The following NUDC variants were observed in gnomAD, a reference collection of about 807,000 sequenced individuals.
The protein encoded by NUDC is nuclear distribution C, dynein complex regulator, also known as nuclear migration protein nudC.
Under a neutral mutation model 45.0 loss-of-function variants are expected in NUDC, and 14 were observed. The observed-to-expected ratio is 0.31, with a 90% confidence interval of 0.21 to 0.49. The LOEUF is 0.49. Among genes scored for constraint, NUDC ranks in the 20% least tolerant of loss-of-function variants. The pLI, the probability that NUDC is intolerant of heterozygous loss-of-function variation, is 0.99. For synonymous variants in NUDC, 153 were observed against 156.7 expected (o/e 0.98, Z 0.17); for missense variants, 323 against 426.2 (o/e 0.76, Z 2.13).
intron 1 of NUDC, chr1:26,900,569 G>C (rs1425281960): frequency 9.3e-6 from 7 of 748,838 alleles, no homozygotes; most frequent in Non-Finnish European, 1.5e-5. Flanking sequence ...GTGGAACCTG[G>C]AGCTGGAAGA....
intron 2 of NUDC, among the ~76,000 whole-genome samples, chr1:26,906,854 A>C (rs556778877): frequency 1.3e-5 from 2 of 152,142 alleles, no homozygotes; most frequent in Admixed American, 1.3e-4. Context: ...GTCTCAAAAA[A>C]AATAATAATA....
At position 26,900,583 on chromosome 1, in the gene NUDC, G is replaced by C. The variant is rs1190465867; in HGVS notation, c.-101+183G>C. 3 of 686,950 alleles carry C rather than the reference G, an allele frequency of 4.4e-6. No individual in the cohort carries two copies. The East Asian group carries it at 8.2e-5, about 19-fold the overall frequency. 42.6% of individuals were successfully genotyped at this position (686,950 alleles called of 1,614,324 possible). On this transcript the variant is annotated intron_variant, in intron 1 of 6. Coordinates refer to the NUDC transcript ENST00000435827. ...TGTGGAACCTGGAGCTGGAAGATCC[G>C]AAGTCTTCTGTGTTCCTTTCCCACA...
At chr1:26,930,844 C>T (rs376777808) in intron 2 of NUDC, among the ~76,000 whole-genome samples, 4 of 151,554 alleles carry the variant, frequency 2.6e-5, no homozygotes, top group African/African-American at 7.3e-5. Context: ...GGTGAAACCT[C>T]GTCTCTACTA....
intron 2 of NUDC, among the ~76,000 whole-genome samples, chr1:26,927,976 A>G (rs2082148261): frequency 6.6e-6 from 1 of 152,196 alleles, no homozygotes; most frequent in African/African-American, 2.4e-5. Flanking sequence ...AGAAGAAATG[A>G]AGACTGTAAA....
intron 1 of NUDC, chr1:26,900,403 A>G (rs774110351): frequency 1.4e-5 from 22 of 1,612,332 alleles, no homozygotes. Context: ...ACTACCAGGT[A>G]AACTGTCGCC....
intron 6 of NUDC, among the ~76,000 whole-genome samples, chr1:26,943,408 G>GA (rs1191473711): frequency 6.6e-6 from 1 of 152,052 alleles, no homozygotes; most frequent in African/African-American, 2.4e-5. Flanking sequence ...AGAGACCGGG[G>GA]GGTCTCACTA....
chr1:26,931,640 A>G (rs1408579394), intron 2 of NUDC, among the ~76,000 whole-genome samples: 2 of 148,774 alleles, frequency 1.3e-5, no homozygotes, highest in African/African-American at 4.9e-5. Context: ...TTAGCCGGGC[A>G]TGGTGGCACT....
In NUDC at chr1:26,942,674, T is replaced by C; in HGVS notation, c.444T>C (p.Asp148=). The change falls in exon 5 of 9, where the codon GAT becomes GAC. Residue 148 remains aspartate (D), a synonymous_variant. Coordinates refer to ENST00000321265, the MANE Select transcript of NUDC (RefSeq NM_006600.4). ...ATTGTAAGCAGGATACTGAGGAAGA[T>C]GAGGAGGAAGATGAGAAGGACAAAG... ...DSPGKQDTEE[D]EEEDEKDKGK... The C allele has an allele frequency of 6.2e-7, 1 of 1,613,866 alleles. No individual in the cohort carries two copies. The highest frequency in any genetic ancestry group is 8.5e-7 in the Non-Finnish European group (1 of 1,179,892).
intron 2 of NUDC, 105 bp from the exon 3 acceptor site, chr1:26,941,352 C>T: frequency 8.7e-7 from 1 of 1,144,060 alleles, no homozygotes; most frequent in Non-Finnish European, 1.3e-6. Context: ...TTTCTGGGTG[C>T]AGTGCTTTGC....
intron 2 of NUDC, among the ~76,000 whole-genome samples, chr1:26,905,856 A>G (rs2082000685): frequency 6.6e-6 from 1 of 152,212 alleles, no homozygotes; most frequent in Admixed American, 6.5e-5. Flanking sequence ...TGTCTATAAA[A>G]TGGATGGAGG....
At chr1:26,929,260 T>A (rs2082158946) in intron 2 of NUDC, among the ~76,000 whole-genome samples, 1 of 152,034 alleles carries the variant, frequency 6.6e-6, no homozygotes, top group Non-Finnish European at 1.5e-5. Context: ...TTTTTTTAAA[T>A]GACAGTACAA....
chr1:26,910,115 G>GTGTC (rs1158237300), intron 2 of NUDC, among the ~76,000 whole-genome samples: 2 of 152,168 alleles, frequency 1.3e-5, no homozygotes, highest in Non-Finnish European at 2.9e-5. Flanking sequence ...TGGCATGGGG[G>GTGTC]TGTCTCCCCA....
At position 26,912,167 on chromosome 1, in the gene NUDC, C is replaced by T. The variant is rs566733353; in HGVS notation, c.93+932C>T. The stretch of plus-strand genomic sequence containing the variant: ...GGACAAGACTGGCCCAAGATCTGGG[C>T]CATCAGAGACACCCCTCTGCCTCCT... On this transcript the variant is annotated intron_variant, in intron 3 of 6. Coordinates refer to the NUDC transcript ENST00000435827. 189 of 1,555,504 alleles carry T rather than the reference C, an allele frequency of 1.2e-4. No homozygotes were observed. In the African/African-American group the frequency reaches 2.4e-3, roughly 20 times the overall value.
At chr1:26,923,221 T>C (rs912729529) in intron 1 of NUDC, among the ~76,000 whole-genome samples, 35 of 152,220 alleles carry the variant, frequency 2.3e-4, no homozygotes, top group African/African-American at 8.4e-4. Context: ...GGTCTCTTGC[T>C]CTGTGCCATA....
chr1:26,913,658 G>A, intron 3 of NUDC: 1 of 1,613,834 alleles, frequency 6.2e-7, no homozygotes, highest in Non-Finnish European at 8.5e-7. Flanking sequence ...AGCAGGAAGA[G>A]GGGGCCCCAG....
At chr1:26,925,538 C>CAA (rs71010305) in intron 2 of NUDC, among the ~76,000 whole-genome samples, 166 of 42,552 alleles carry the variant, frequency 3.9e-3, no homozygotes, top group East Asian at 0.021. Context: ...GACTCCGTCT[C>CAA]AAAAAAAAAA....
At position 26,921,761 on chromosome 1, in the gene NUDC, G is replaced by A; in HGVS notation, c.-88G>A. 3 of 1,387,614 alleles carry A rather than the reference G, an allele frequency of 2.2e-6. No individual in the cohort carries two copies. Among genetic ancestry groups the A allele is most frequent in the Non-Finnish European group, 3.0e-6 (3 of 1,002,788 alleles). 86.0% of individuals were successfully genotyped at this position (1,387,614 alleles called of 1,614,324 possible). A position where few individuals can be genotyped will look rare whatever the true frequency, so the allele number is the denominator to read the frequency against. On this transcript the variant is annotated 5_prime_UTR_variant, in exon 1 of 9. Transcript: ENST00000321265. ...CTCCGCTGCGGAAGGCGGACGACTA[G>A]AGTCGTTGGGCCCGGCGCGACCCGC...
chr1:26,924,273 C>A, intron 2 of NUDC, 107 bp downstream of exon 2: 1 of 927,530 alleles, frequency 1.1e-6, no homozygotes, highest in Non-Finnish European at 1.7e-6. Context: ...AGCGAAATGC[C>A]AAAGGTGAGG....
chr1:26,942,686 T>C lies in NUDC; in HGVS notation c.456T>C (p.Asp152=). The C allele has an allele frequency of 6.2e-7, 1 of 1,614,098 alleles. No homozygotes were observed. Among genetic ancestry groups the C allele is most frequent in the South Asian group, 1.1e-5 (1 of 91,074 alleles). The change falls in exon 5 of 9, where the codon GAT becomes GAC. Residue 152 remains aspartate, a synonymous_variant. Coordinates refer to ENST00000321265, the MANE Select transcript of NUDC (RefSeq NM_006600.4). The part of the protein sequence containing the change: ...KQDTEEDEEE[D]EKDKGKLKPN... ...ATACTGAGGAAGATGAGGAGGAAGATGAGAAGGACAAAGGAAAACTGAAGC... is the reference window on the plus strand; with the variant it reads ...ATACTGAGGAAGATGAGGAGGAAGACGAGAAGGACAAAGGAAAACTGAAGC...
Sources: allele counts gnomAD v4.1 joint callset (sites outside exome capture counted in the v4.1 genomes callset), GRCh38; gene constraint gnomAD v4.1.1; transcripts MANE v1.5; gene names NCBI Gene and HGNC (gene_info 2026-07-23, HGNC 2026-07-21).